Variants in CCDC7 observed in about 807,000 individuals in gnomAD.
CCDC7 encodes coiled-coil domain containing 7.
CCDC7 carries 183 observed loss-of-function variants against 196.9 expected under a neutral mutation model. The observed-to-expected ratio is 0.93, with a 90% CI of 0.82 to 1.05. The LOEUF is 1.05. CCDC7 is among the 50% of genes least tolerant of loss of function. The pLI, the probability that CCDC7 is intolerant of heterozygous loss-of-function variation, is 0.00. For synonymous variants in CCDC7, 525 were observed against 484.6 expected, an observed-to-expected ratio of 1.08 and a Z score of -1.10; for missense variants, 1,540 against 1,482.2, an observed-to-expected ratio of 1.04 and a Z score of -0.64.
chr10:32,714,146 C>G (rs1163026472), intron 25 of CCDC7, among the ~76,000 whole-genome samples: 1 of 152,176 alleles, frequency 6.6e-6, no homozygotes, highest in Non-Finnish European at 1.5e-5. Context: ...GTCTGCAGCT[C>G]CCAGTGATAC....
rs1270878767 is a variant in CCDC7, at chr10:32,828,540, GAAGAAGAAGAAGAAGAAGA to G, written c.3268+3953_3268+3971del. ...AGAAGAAGAAGAAGAAGAAGAAGAA[GAAGAAGAAGAAGAAGAAGA>G]AAGAAGAAGAAGAAGAGCAGCAGTG... On this transcript the variant is annotated intron_variant, in intron 32 of 41. Transcript: ENST00000639629. Among the ~76,000 whole-genome samples the G allele has an allele frequency of 1.9e-3, 284 of 149,580 alleles. 4 individuals are homozygous for G. Among genetic ancestry groups the G allele is most frequent in the Non-Finnish European group, 1.2e-3 (79 of 67,550 alleles).
At chr10:32,755,067 G>A (rs1053899917) in intron 28 of CCDC7, among the ~76,000 whole-genome samples, 12 of 152,170 alleles carry the variant, frequency 7.9e-5, no homozygotes, top group African/African-American at 2.9e-4. Context: ...TGAGACTGGG[G>A]GAGGGGCATC....
chr10:32,794,159 C>T (rs1284116124), intron 29 of CCDC7, among the ~76,000 whole-genome samples: 1 of 152,154 alleles, frequency 6.6e-6, no homozygotes, highest in Non-Finnish European at 1.5e-5. Flanking sequence ...TTGTTCCCAT[C>T]CTTGTGTCCA....
chr10:32,451,822 A>G, exon 1 of CCDC7: 1 of 1,614,218 alleles, frequency 6.2e-7, no homozygotes, highest in South Asian at 1.1e-5. Flanking sequence ...CAACAGGAGA[A>G]TCCATTTTAC....
chr10:32,533,535 TA>T (rs775136052), intron 11 of CCDC7, among the ~76,000 whole-genome samples: 3 of 152,114 alleles, frequency 2.0e-5, no homozygotes, highest in African/African-American at 4.8e-5. Context: ...GTTGGTGTTT[TA>T]TTTTTTTTCA....
intron 29 of CCDC7, among the ~76,000 whole-genome samples, chr10:32,787,400 A>G (rs992148247): frequency 1.3e-5 from 2 of 152,244 alleles, no homozygotes; most frequent in African/African-American, 4.8e-5. Flanking sequence ...ATACCTTCAC[A>G]ACAGCTAAAG....
intron 14 of CCDC7, among the ~76,000 whole-genome samples, chr10:32,566,210 CA>C (rs1439650854): frequency 6.6e-6 from 1 of 151,960 alleles, no homozygotes; most frequent in Non-Finnish European, 1.5e-5. Context: ...CTTCTATTAT[CA>C]AAAAAGTATG....
chr10:32,639,137 C>A (rs1164015610), intron 20 of CCDC7, among the ~76,000 whole-genome samples: 2 of 151,956 alleles, frequency 1.3e-5, no homozygotes, highest in Non-Finnish European at 2.9e-5. Context: ...CTTTATTAGT[C>A]TTGCTCTAGC....
intron 23 of CCDC7, 141 bp from the exon 25 acceptor site, chr10:32,694,738 G>T (rs565049656): frequency 3.7e-4 from 185 of 500,932 alleles, no homozygotes; most frequent in African/African-American, 3.2e-3. Flanking sequence ...TAGTAGTCAT[G>T]TCACATCTGG....
At chr10:32,730,384 A>T (rs901055402) in intron 28 of CCDC7, among the ~76,000 whole-genome samples, 18 of 151,958 alleles carry the variant, frequency 1.2e-4, no homozygotes, top group Admixed American at 1.0e-3. Context: ...CCTACATGGT[A>T]TGTTTCTTTC....
intron 25 of CCDC7, among the ~76,000 whole-genome samples, chr10:32,713,670 G>A (rs1186657769): frequency 6.6e-6 from 1 of 152,176 alleles, no homozygotes; most frequent in Non-Finnish European, 1.5e-5. Context: ...ACTATCTATT[G>A]GGGGGCCCAT....
intron 24 of CCDC7, among the ~76,000 whole-genome samples, chr10:32,709,469 TA>T (rs1001321849): frequency 1.3e-5 from 2 of 151,856 alleles, no homozygotes; most frequent in Non-Finnish European, 2.9e-5. Flanking sequence ...TAAAGTATAA[TA>T]AAAAAATAAA....
intron 32 of CCDC7, among the ~76,000 whole-genome samples, chr10:32,825,378 T>C (rs12218539): frequency 0.089 from 13,495 of 152,240 alleles, 862 homozygotes; most frequent in East Asian, 0.33. Context: ...TCTAATCAGC[T>C]GCCAGCATGG....
chr10:32,804,532 T>C (rs1236415428), intron 29 of CCDC7, among the ~76,000 whole-genome samples: 1 of 152,206 alleles, frequency 6.6e-6, no homozygotes, highest in Non-Finnish European at 1.5e-5. Context: ...AAAGTATTTC[T>C]GCACTATAAT....
chr10:32,508,855 A>C (rs555160962), intron 9 of CCDC7, among the ~76,000 whole-genome samples: 1 of 151,560 alleles, frequency 6.6e-6, no homozygotes, highest in East Asian at 1.9e-4. Flanking sequence ...CTGGTTTTGA[A>C]CTGCTGACCT....
intron 11 of CCDC7, among the ~76,000 whole-genome samples, chr10:32,542,930 C>G (rs2051739720): frequency 6.6e-6 from 1 of 152,080 alleles, no homozygotes; most frequent in Non-Finnish European, 1.5e-5. Flanking sequence ...ATATCACCAA[C>G]AAGGTTTTTG....
intron 24 of CCDC7, among the ~76,000 whole-genome samples, chr10:32,711,351 T>C (rs1443859351): frequency 6.6e-6 from 1 of 152,074 alleles, no homozygotes; most frequent in Non-Finnish European, 1.5e-5. Flanking sequence ...TGATTATGTA[T>C]TAACCTAAAG....
At chr10:32,475,262 G>A (rs577263339) in intron 8 of CCDC7, among the ~76,000 whole-genome samples, 3 of 152,246 alleles carry the variant, frequency 2.0e-5, no homozygotes, top group African/African-American at 7.2e-5. Context: ...TCCCTACACT[G>A]TGGACTGGCA....
intron 24 of CCDC7, 71 bp from the exon 26 acceptor site, chr10:32,711,549 A>C: frequency 1.1e-6 from 1 of 915,518 alleles, no homozygotes; most frequent in Non-Finnish European, 1.7e-6. Flanking sequence ...CACTTGTTAT[A>C]AATTTGAACT....
Sources: gnomAD v4.1 joint callset for allele counts (sites outside exome capture counted in the v4.1 genomes callset) on GRCh38, gnomAD v4.1.1 for gene constraint, MANE v1.5 for transcripts, NCBI Gene and HGNC (gene_info 2026-07-23, HGNC 2026-07-21) for gene names.